The following DOK5 variants were observed in gnomAD, a reference collection of about 807,000 sequenced individuals.
The protein encoded by DOK5 is docking protein 5.
A neutral mutation model predicts 43.3 loss-of-function variants in DOK5; 27 were observed. That is an observed-to-expected ratio of 0.62 (90% CI 0.46 to 0.86). The LOEUF (loss-of-function observed/expected upper bound fraction) is 0.86, where lower values mean the gene tolerates loss of function less well. Among genes scored for constraint, DOK5 ranks in the 40% least tolerant of loss-of-function variants. The pLI, the probability that DOK5 is intolerant of heterozygous loss-of-function variation, is 0.00. For missense variants in DOK5, 373 were observed against 392.9 expected, an observed-to-expected ratio of 0.95 and a Z score of 0.43; for synonymous variants, 146 against 140.1, an observed-to-expected ratio of 1.04 and a Z score of -0.30.
chr20:54,615,030 C>T (rs887732329), intron 6 of DOK5, among the ~76,000 whole-genome samples: 2 of 152,128 alleles, frequency 1.3e-5, no homozygotes, highest in African/African-American at 2.4e-5. Flanking sequence ...AGTTCATAAC[C>T]GGAGAAAGAC....
At chr20:54,589,332 T>C (rs946951560) in intron 4 of DOK5, among the ~76,000 whole-genome samples, 2 of 152,194 alleles carry the variant, frequency 1.3e-5, no homozygotes, top group African/African-American at 4.8e-5. Flanking sequence ...CTTTCCAATG[T>C]TTTCAATATA....
chr20:54,549,350 A>T (rs1984448720), intron 1 of DOK5, among the ~76,000 whole-genome samples: 1 of 152,178 alleles, frequency 6.6e-6, no homozygotes, highest in African/African-American at 2.4e-5. Context: ...AATAAAGGAA[A>T]GATCTTGATT....
chr20:54,571,365 C>T (rs1022633745), intron 2 of DOK5, among the ~76,000 whole-genome samples: 2 of 152,174 alleles, frequency 1.3e-5, no homozygotes, highest in Non-Finnish European at 1.5e-5. Flanking sequence ...GCCAAGCCAG[C>T]TGGACAAGGC....
At chr20:54,605,048 T>TACACACACAC (rs1568806382) in intron 5 of DOK5, among the ~76,000 whole-genome samples, 58 of 118,482 alleles carry the variant, frequency 4.9e-4, no homozygotes, top group Admixed American at 1.3e-3. Context: ...CACACACACG[T>TACACACACAC]ATACACACAC....
rs1291845325 is a variant in DOK5 at position 54,475,828 on chromosome 20, C to G, written c.-119C>G. On this transcript the variant is annotated 5_prime_UTR_variant, in exon 1 of 8. Coordinates refer to ENST00000262593, the MANE Select transcript of DOK5 (RefSeq NM_018431.5). This position sits in a 1 kb window ranked among gnomAD's most constrained non-coding sequence, Gnocchi z 4.2. Reference sequence around the variant, plus strand: ...AAAGCCTCGCCCAGCGCCGCCGAAGCAGCTTCACCTCTCCAACTTTCTCCC... The same window carrying G: ...AAAGCCTCGCCCAGCGCCGCCGAAGGAGCTTCACCTCTCCAACTTTCTCCC... 1 of 1,236,768 alleles carries G rather than the reference C, an allele frequency of 8.1e-7. No homozygotes were observed. Among genetic ancestry groups the G allele is most frequent in the Non-Finnish European group, 1.2e-6 (1 of 867,450 alleles). 76.6% of individuals were successfully genotyped at this position (1,236,768 alleles called of 1,614,324 possible).
chr20:54,610,242 C>A, intron 5 of DOK5, 146 bp from the exon 6 acceptor site: 1 of 845,214 alleles, frequency 1.2e-6, no homozygotes. Flanking sequence ...TTTGAACATT[C>A]CGATTCTAGT....
intron 1 of DOK5, among the ~76,000 whole-genome samples, chr20:54,537,154 G>A (rs560887406): frequency 5.3e-5 from 8 of 152,274 alleles, no homozygotes; most frequent in Admixed American, 4.6e-4. Flanking sequence ...GAGGGGCCCC[G>A]TCAAGTATCA....
chr20:54,511,879 T>A (rs780964671), intron 1 of DOK5, among the ~76,000 whole-genome samples: 33 of 152,230 alleles, frequency 2.2e-4, no homozygotes, highest in Non-Finnish European at 4.4e-4. Context: ...TCCTAACTTT[T>A]GAAGAAGCAT....
intron 1 of DOK5, among the ~76,000 whole-genome samples, chr20:54,542,722 T>C (rs1350445153): frequency 1.3e-5 from 2 of 152,182 alleles, no homozygotes; most frequent in African/African-American, 2.4e-5. Context: ...AACTGCAAAA[T>C]AGGTTACAAC....
At chr20:54,606,399 G>A (rs747354410) in intron 5 of DOK5, among the ~76,000 whole-genome samples, 24 of 152,294 alleles carry the variant, frequency 1.6e-4, no homozygotes, top group Admixed American at 3.3e-4. Flanking sequence ...TGGGTAAAGA[G>A]AAAGGAGGAA....
intron 1 of DOK5, among the ~76,000 whole-genome samples, chr20:54,509,060 G>A (rs1412753067): frequency 6.6e-6 from 1 of 151,924 alleles, no homozygotes; most frequent in Non-Finnish European, 1.5e-5. Context: ...TATTTTGGTA[G>A]AGACAGGGTT....
intron 6 of DOK5, among the ~76,000 whole-genome samples, chr20:54,640,286 A>T (rs1045542053): frequency 1.3e-5 from 2 of 152,240 alleles, no homozygotes; most frequent in Non-Finnish European, 2.9e-5. Flanking sequence ...GCGGCGCTCC[A>T]GGTAACCCAA....
At chr20:54,493,596 A>C (rs6512965) in intron 1 of DOK5, among the ~76,000 whole-genome samples, 7,885 of 152,240 alleles carry the variant, frequency 0.052, 718 homozygotes, top group African/African-American at 0.18. Flanking sequence ...TTAAGTGATA[A>C]ATAGCCACGT....
intron 2 of DOK5, among the ~76,000 whole-genome samples, chr20:54,576,964 C>T (rs1985472175): frequency 6.6e-6 from 1 of 152,192 alleles, no homozygotes; most frequent in African/African-American, 2.4e-5. Flanking sequence ...ATATTTGTCT[C>T]TAAGACCATT....
chr20:54,501,466 CAAAAAAAAA>C (rs76224592), intron 1 of DOK5, among the ~76,000 whole-genome samples: 9 of 19,460 alleles, frequency 4.6e-4, no homozygotes, highest in Non-Finnish European at 7.4e-4. Flanking sequence ...GACTCACTCT[CAAAAAAAAA>C]AAAAAAAAAA....
intron 1 of DOK5, among the ~76,000 whole-genome samples, chr20:54,481,230 C>T (rs1224819066): frequency 2.6e-5 from 4 of 151,906 alleles, no homozygotes; most frequent in East Asian, 1.9e-4. Context: ...AGTGTAGTGG[C>T]GTGATCTCAG....
intron 6 of DOK5, among the ~76,000 whole-genome samples, chr20:54,620,639 C>T (rs1986948441): frequency 6.6e-6 from 1 of 152,182 alleles, no homozygotes. Context: ...GCTATGGTCT[C>T]TTTGGATGAC....
At chr20:54,498,087 C>G (rs1348628122) in intron 1 of DOK5, among the ~76,000 whole-genome samples, 1 of 152,090 alleles carries the variant, frequency 6.6e-6, no homozygotes, top group Admixed American at 6.6e-5. Flanking sequence ...TCTTATGTAT[C>G]TTTTGGGACC....
At chr20:54,532,254 C>T (rs1012622575) in intron 1 of DOK5, among the ~76,000 whole-genome samples, 39 of 152,316 alleles carry the variant, frequency 2.6e-4, no homozygotes, top group African/African-American at 9.1e-4. Context: ...AGAGGTTAAA[C>T]AACCTGCCCA....
Sources: allele counts gnomAD v4.1 joint callset (sites outside exome capture counted in the v4.1 genomes callset), GRCh38; gene constraint gnomAD v4.1.1; non-coding constraint Gnocchi (gnomAD v3.1); transcripts MANE v1.5; gene names NCBI Gene and HGNC (gene_info 2026-07-23, HGNC 2026-07-21).